The following SLC2A7 variants were observed in gnomAD, a reference collection of about 807,000 sequenced individuals.
The protein encoded by SLC2A7 is solute carrier family 2 member 7.
In SLC2A7, 50 loss-of-function variants were observed where a neutral mutation model predicts 50.5. The ratio of observed to expected loss-of-function variants is 0.99; its 90% CI spans 0.79 to 1.25. The LOEUF (loss-of-function observed/expected upper bound fraction) is 1.25, where lower values mean the gene tolerates loss of function less well. SLC2A7 is among the 50% of genes most tolerant of loss of function. SLC2A7 has a pLI of 0.00. For missense variants in SLC2A7, 683 were observed against 679.1 expected (o/e 1.01, Z -0.06); for synonymous variants, 308 against 300.4 (o/e 1.03, Z -0.26).
In SLC2A7 at chr1:9,008,745, C is replaced by T. The variant is rs189172703; in HGVS notation, c.1117-1360G>A. 1.1e-4 allele frequency among the ~76,000 whole-genome samples: 17 copies of T among 152,136 alleles called. No homozygotes were observed. Among genetic ancestry groups the T allele is most frequent in the Middle Eastern group, 6.8e-3 (2 of 294 alleles). On this transcript the variant is annotated intron_variant, in intron 9 of 11. Transcript: ENST00000400906. This position sits in a 1 kb window ranked among gnomAD's most constrained non-coding sequence, Gnocchi z 5.9. ...CCGAGTAACTGGGATTACAGGCACA[C>T]GCCACCACACCCGACTAAATTTTGT...
chr1:9,007,321 G>A lies in SLC2A7; in HGVS notation c.1181C>T (p.Ser394Phe). 3.7e-6 allele frequency: 6 copies of A among 1,614,236 alleles called. No individual in the cohort carries two copies. Among genetic ancestry groups the A allele is most frequent in the Non-Finnish European group, 5.1e-6 (6 of 1,180,032 alleles). ...GTGCAGGTACTCACTGGGCCCAATG[G>A]AATGTCCCGCGATGTAGGCAAAGAC... is the stretch of plus-strand genomic sequence containing the variant. ...ICVFAYIAGH[S>F]IGPSPVPSVV... is the part of the protein sequence containing the mutation. The change falls in exon 10 of 12, where the codon TCC (serine) becomes TTC (phenylalanine). Residue 394 changes from serine to phenylalanine, a missense_variant. By Grantham distance (155) the Ser-to-Phe change is radical. Coordinates refer to ENST00000400906, the MANE Select transcript of SLC2A7 (RefSeq NM_207420.3).
In SLC2A7 at chr1:9,003,317, T is replaced by C. The variant is rs1202187730; in HGVS notation, c.1522A>G (p.Lys508Glu). The C allele has an allele frequency of 6.2e-7, 1 of 1,614,194 alleles. No individual in the cohort carries two copies. The highest frequency in any genetic ancestry group is 1.7e-5 in the Admixed American group (1 of 60,014). Residue 508 changes from lysine (K) to glutamate (E), a missense_variant, in exon 12 of 12, where the codon AAG (lysine) becomes GAG (glutamate). Lys to Glu is a moderately conservative substitution (Grantham distance 56). Transcript: ENST00000400906. ...CAGGGCCACTAAAAGGAAGTTTCCT[T>C]GGCAGGAGAGGCTGTGGGAGGCCCA... The part of the protein sequence containing the change: ...DAGPPTASPA[K>E]ETSF
downstream of SLC2A7, among the ~76,000 whole-genome samples, chr1:9,001,170 G>A (rs1640567682): frequency 6.6e-6 from 1 of 152,132 alleles, no homozygotes; most frequent in South Asian, 2.1e-4. Flanking sequence ...ACCTCCCGCT[G>A]GACAGGACAG....
In SLC2A7 at chr1:9,010,233, C is replaced by T. The variant is rs925211024; in HGVS notation, c.1026G>A (p.Val342=). The change falls in exon 9 of 12, where the codon GTG becomes GTA. Residue 342 remains valine (V), a synonymous_variant. Coordinates refer to ENST00000400906, the MANE Select transcript of SLC2A7 (RefSeq NM_207420.3). ...IVMTITSAVL[V]ERLGRRHLLL... is the part of the protein sequence containing the mutation. ...GGAGGTGCCGCCGTCCCAGCCGCTC[C>T]ACAAGGACAGCCTGGAGGGGAAGGG... The T allele has an allele frequency of 7.1e-6, 11 of 1,551,086 alleles. No homozygotes were observed. Among genetic ancestry groups the T allele is most frequent in the Non-Finnish European group, 7.8e-6 (9 of 1,146,926 alleles).
chr1:8,997,055 G>C, the SLC2A7 span, among the ~76,000 whole-genome samples: 3 of 152,164 alleles, frequency 2.0e-5, no homozygotes, highest in Non-Finnish European at 2.9e-5. Flanking sequence ...TGGGATTACA[G>C]GTGTGAGCCA....
At chr1:9,025,106 G>A (rs566957388) in intron 1 of SLC2A7, 32 bp from the exon 2 acceptor site, 1 of 1,607,422 alleles carries the variant, frequency 6.2e-7, no homozygotes, top group South Asian at 1.1e-5. Flanking sequence ...TCGGGACGCT[G>A]TGGGCTTGGG....
Position 9,014,798 on chromosome 1 carries a change from G to A in SLC2A7, c.786C>T (p.Ala262=), listed in dbSNP as rs772382963. ...ELEDMRAEAR[A]ERAEGHLSVL... ...CAGACAGGTGGCCCTCGGCGCGCTC[G>A]GCCCGGGCCTCCGCACGCATGTCCT... Residue 262 remains alanine (A), a synonymous_variant, in exon 7 of 12, where the codon GCC becomes GCT. Transcript: ENST00000400906. 25 of 1,602,688 alleles carry A rather than the reference G, an allele frequency of 1.6e-5. No homozygotes were observed. The highest frequency in any genetic ancestry group is 5.3e-5 in the African/African-American group (4 of 74,774).
rs762508735 is a variant in SLC2A7 at position 9,026,349 on chromosome 1, T to C, written c.-4A>G. The C allele has an allele frequency of 6.0e-5, 96 of 1,604,604 alleles. No individual in the cohort carries two copies. The highest frequency in any genetic ancestry group is 3.3e-4 in the Middle Eastern group (2 of 6,056). ...TTCCCGCCTCTTTGTTCTCCATCCT[T>C]GTTCAGGTGGGAGAACAGGTGTGCT... On this transcript the variant is annotated 5_prime_UTR_variant, in exon 1 of 12. Transcript: ENST00000400906.
At position 9,020,673 on chromosome 1, in the gene SLC2A7, C is replaced by CTTT. The variant is rs201609038; in HGVS notation, c.312-1341_312-1340insAAA. Among the ~76,000 whole-genome samples, 12 of 138,342 alleles carry CTTT rather than the reference C, an allele frequency of 8.7e-5. 3 individuals carry two copies. The highest frequency in any genetic ancestry group is 8.2e-5 in the African/African-American group (3 of 36,726). 90.8% of individuals were successfully genotyped at this position (138,342 alleles called of 152,430 possible). A position where few individuals can be genotyped will look rare whatever the true frequency, so the allele number is the denominator to read the frequency against. ...GCTGGCTGGTGCATCCTGATATTCT[C>CTTT]TCTTTTTTTTTTTTTTGAGATGGAG... On this transcript the variant is annotated intron_variant, in intron 3 of 11. Transcript: ENST00000400906.
At chr1:9,001,529 C>T (rs1640572406), downstream of SLC2A7, among the ~76,000 whole-genome samples, 1 of 151,570 alleles carries the variant, frequency 6.6e-6, no homozygotes, top group Non-Finnish European at 1.5e-5. Context: ...AGCAATTCTC[C>T]TGCCTCAGCC....
chr1:8,995,275 C>T, the SLC2A7 span, among the ~76,000 whole-genome samples: 6 of 150,842 alleles, frequency 4.0e-5, no homozygotes, highest in African/African-American at 9.7e-5. Context: ...CGTGAAACCC[C>T]GTCTCTACTA....
At chr1:9,002,211 G>A (rs939554899), downstream of SLC2A7, among the ~76,000 whole-genome samples, 41 of 152,316 alleles carry the variant, frequency 2.7e-4, 1 homozygote, top group Middle Eastern at 0.01. Flanking sequence ...GGAGGGGAAA[G>A]ACCTGACCGT....
intron 9 of SLC2A7, 115 bp downstream of exon 9, chr1:9,010,028 C>T: frequency 1.1e-6 from 1 of 872,256 alleles, no homozygotes. Flanking sequence ...AGGCAGGATG[C>T]ATGCCATCAG....
chr1:9,018,135 G>T, intron 5 of SLC2A7, 88 bp downstream of exon 5: 1 of 1,551,858 alleles, frequency 6.4e-7, no homozygotes, highest in Non-Finnish European at 8.8e-7. Context: ...ATCATCTCTC[G>T]GGTCTCATCT....
chr1:9,024,359 A>G (rs1640962638), intron 2 of SLC2A7, among the ~76,000 whole-genome samples: 1 of 152,210 alleles, frequency 6.6e-6, no homozygotes, highest in Non-Finnish European at 1.5e-5. Context: ...TAATATATGT[A>G]TATATACGTA....
the SLC2A7 span, among the ~76,000 whole-genome samples, chr1:8,996,514 G>T: frequency 1.3e-5 from 2 of 152,204 alleles, no homozygotes; most frequent in Non-Finnish European, 2.9e-5. Flanking sequence ...TTAGACATCT[G>T]CTTTGGTTTC....
At position 9,013,541 on chromosome 1, in the gene SLC2A7, A is replaced by C. The variant is rs543841758; in HGVS notation, c.998T>G (p.Val333Gly). Residue 333 changes from valine to glycine, a missense_variant, in exon 8 of 12, where the codon GTG becomes GGG. Val to Gly is a moderately radical substitution (Grantham distance 109). Coordinates refer to ENST00000400906, the MANE Select transcript of SLC2A7 (RefSeq NM_207420.3). ...CTCACTCACCGAGGTGATGGTCATCACTATGTTGACGACGCCAGAGCCCAC... is the reference window on the plus strand; with the variant it reads ...CTCACTCACCGAGGTGATGGTCATCCCTATGTTGACGACGCCAGAGCCCAC... ...VTVGSGVVNI[V>G]MTITSAVLVE... 72 of 1,613,740 alleles carry C rather than the reference A, an allele frequency of 4.5e-5. No individual in the cohort carries two copies. The African/African-American group carries it at 7.2e-4, about 16-fold the overall frequency.
At chr1:8,993,714 G>A in the SLC2A7 span, among the ~76,000 whole-genome samples, 4 of 152,128 alleles carry the variant, frequency 2.6e-5, no homozygotes, top group African/African-American at 4.8e-5. Flanking sequence ...TCTAACCTCC[G>A]CCTCCCAGGT....
chr1:9,003,363 C>T lies in SLC2A7; in HGVS notation c.1476G>A (p.Glu492=). Residue 492 remains glutamate, a synonymous_variant, in exon 12 of 12, where the codon GAG becomes GAA. Transcript: ENST00000400906. The part of the protein sequence containing the change: ...AKRNRVKLPE[E]KEETIDAGPP... ...GCCCAGCATCAATGGTTTCTTCTTT[C>T]TCCTCTGGAAGCTTCACCCTGTTTC... The T allele has an allele frequency of 6.2e-7, 1 of 1,614,220 alleles. No homozygotes were observed. Among genetic ancestry groups the T allele is most frequent in the African/African-American group, 1.3e-5 (1 of 75,050 alleles).
Sources: allele counts gnomAD v4.1 joint callset (sites outside exome capture counted in the v4.1 genomes callset), GRCh38; gene constraint gnomAD v4.1.1; non-coding constraint Gnocchi (gnomAD v3.1); transcripts MANE v1.5; gene names NCBI Gene and HGNC (gene_info 2026-07-23, HGNC 2026-07-21).